Variants in LRRTM4 observed in about 807,000 individuals in gnomAD.
The protein encoded by LRRTM4 is leucine rich repeat transmembrane neuronal 4.
Under a neutral mutation model 47.6 loss-of-function variants are expected in LRRTM4, and 25 were observed. That is an observed-to-expected ratio of 0.53 (90% CI 0.38 to 0.73). The LOEUF is 0.73. Among genes scored for constraint, LRRTM4 ranks in the 30% least tolerant of loss-of-function variants. The pLI, the probability that LRRTM4 is intolerant of heterozygous loss-of-function variation, is 0.00. For synonymous variants in LRRTM4, 311 were observed against 269.5 expected (o/e 1.15, Z -1.51); for missense variants, 638 against 713.4 (o/e 0.89, Z 1.20).
chr2:76,821,444 A>G (rs1671050840), intron 3 of LRRTM4, among the ~76,000 whole-genome samples: 1 of 151,672 alleles, frequency 6.6e-6, no homozygotes, highest in African/African-American at 2.4e-5. Flanking sequence ...GTTCTAATAA[A>G]ATTACTATAT....
chr2:77,517,494 TG>T (rs1388303700), intron 3 of LRRTM4: 24 of 985,068 alleles, frequency 2.4e-5, no homozygotes, highest in Non-Finnish European at 2.5e-5. Context: ...TCCACAAAAT[TG>T]TGACCTGATT....
chr2:77,516,333 A>G (rs1229699466), intron 3 of LRRTM4, among the ~76,000 whole-genome samples: 1 of 151,794 alleles, frequency 6.6e-6, no homozygotes, highest in African/African-American at 2.4e-5. Flanking sequence ...TGTTTCTGTC[A>G]TGGTAATGCC....
chr2:77,367,425 T>G (rs571397730), intron 3 of LRRTM4, among the ~76,000 whole-genome samples: 4 of 151,986 alleles, frequency 2.6e-5, no homozygotes, highest in Admixed American at 1.3e-4. Context: ...ATTAACAACT[T>G]GTTTAGAATT....
chr2:77,412,740 C>T (rs1674491684), intron 3 of LRRTM4, among the ~76,000 whole-genome samples: 1 of 152,054 alleles, frequency 6.6e-6, no homozygotes, highest in Non-Finnish European at 1.5e-5. Context: ...CCACACTTTA[C>T]CAGCGAGTGA....
intron 3 of LRRTM4, among the ~76,000 whole-genome samples, chr2:77,080,777 C>T (rs1680503869): frequency 6.6e-6 from 1 of 152,190 alleles, no homozygotes; most frequent in South Asian, 2.1e-4. Flanking sequence ...TCTGGGCCAT[C>T]ATCATCTCTT....
intron 3 of LRRTM4, among the ~76,000 whole-genome samples, chr2:77,131,912 G>A (rs1363220413): frequency 1.3e-5 from 2 of 152,126 alleles, no homozygotes; most frequent in Admixed American, 6.5e-5. Context: ...TGGGGTACAT[G>A]TGATATTTTG....
chr2:77,409,327 A>T (rs1020834710), intron 3 of LRRTM4, among the ~76,000 whole-genome samples: 6 of 152,160 alleles, frequency 3.9e-5, no homozygotes, highest in Non-Finnish European at 7.4e-5. Flanking sequence ...AGAGGGTGGA[A>T]ATTCCAACAC....
At chr2:77,252,956 C>A (rs1007286969) in intron 3 of LRRTM4, among the ~76,000 whole-genome samples, 1 of 152,052 alleles carries the variant, frequency 6.6e-6, no homozygotes, top group Non-Finnish European at 1.5e-5. Flanking sequence ...TTGTTCCATC[C>A]CTGGCTTTTA....
chr2:76,956,258 A>G (rs1675671891), intron 3 of LRRTM4, among the ~76,000 whole-genome samples: 1 of 151,884 alleles, frequency 6.6e-6, no homozygotes, highest in Middle Eastern at 3.4e-3. Flanking sequence ...TTCTCTGACC[A>G]CAGTGGAAGG....
intron 3 of LRRTM4, among the ~76,000 whole-genome samples, chr2:77,070,236 TTA>T (rs147124669): frequency 0.038 from 5,766 of 152,068 alleles, 114 homozygotes; most frequent in South Asian, 0.081. Flanking sequence ...AGTCATTTTT[TTA>T]AAAAATAAAA....
At chr2:76,826,829 C>G (rs1671204075) in intron 3 of LRRTM4, among the ~76,000 whole-genome samples, 1 of 151,816 alleles carries the variant, frequency 6.6e-6, no homozygotes, top group African/African-American at 2.4e-5. Flanking sequence ...AAGCCCATCT[C>G]TGGAATAAAA....
chr2:77,144,498 A>G (rs1180434392), intron 3 of LRRTM4, among the ~76,000 whole-genome samples: 1 of 152,158 alleles, frequency 6.6e-6, no homozygotes, highest in Non-Finnish European at 1.5e-5. Context: ...AAACAGAAGC[A>G]GCTATGAATT....
In LRRTM4 at chr2:77,344,019, GA is replaced by G. The variant is rs201281679; in HGVS notation, c.1551+174298del. Among the ~76,000 whole-genome samples the G allele has an allele frequency of 4.5e-3, 687 of 151,692 alleles. 4 individuals carry two copies. The highest frequency in any genetic ancestry group is 0.016 in the African/African-American group (647 of 41,444). ...GGCTTTAAAGAGAATAAAAGATCTG[GA>G]AAAAAATAAATAGATCAATATTAAA... On this transcript the variant is annotated intron_variant, in intron 3 of 3. Transcript: ENST00000409884.
At chr2:77,169,564 C>T (rs1299626395) in intron 3 of LRRTM4, among the ~76,000 whole-genome samples, 2 of 143,954 alleles carry the variant, frequency 1.4e-5, no homozygotes, top group Non-Finnish European at 2.9e-5. Context: ...TAATGCTCCT[C>T]TCCTGAGACT....
intron 3 of LRRTM4, among the ~76,000 whole-genome samples, chr2:77,040,169 C>T (rs1678977459): frequency 6.6e-6 from 1 of 151,064 alleles, no homozygotes; most frequent in African/African-American, 2.4e-5. Context: ...TTGAGATTTT[C>T]CATGTTTTTC....
chr2:76,776,436 G>T (rs1206370276), intron 3 of LRRTM4, among the ~76,000 whole-genome samples: 2 of 152,038 alleles, frequency 1.3e-5, no homozygotes, highest in Admixed American at 6.6e-5. Context: ...CCTGACTTTT[G>T]AAAGATTGCC....
chr2:76,973,942 T>A (rs1292006133), intron 3 of LRRTM4, among the ~76,000 whole-genome samples: 7 of 151,664 alleles, frequency 4.6e-5, no homozygotes, highest in African/African-American at 7.2e-5. Context: ...GAAACATACA[T>A]TCAGAAACAA....
chr2:76,830,992 G>A (rs181349267), intron 3 of LRRTM4, among the ~76,000 whole-genome samples: 130 of 152,064 alleles, frequency 8.5e-4, no homozygotes, highest in African/African-American at 3.1e-3. Flanking sequence ...TAGCATAATT[G>A]GATTTGAATT....
At chr2:76,911,818 GTGTGTGTGCCTGTGTGTGTGTATATT>G (rs376060131) in intron 3 of LRRTM4, among the ~76,000 whole-genome samples, 168 of 151,704 alleles carry the variant, frequency 1.1e-3, no homozygotes, top group African/African-American at 3.6e-3. Flanking sequence ...ACAGTGATTT[GTGTGTGTGCCTGTGTGTGTGTATATT>G]TGTGTGTGTC....
Sources: gnomAD v4.1 joint callset for allele counts (sites outside exome capture counted in the v4.1 genomes callset) on GRCh38, gnomAD v4.1.1 for gene constraint, MANE v1.5 for transcripts, NCBI Gene and HGNC (gene_info 2026-07-23, HGNC 2026-07-21) for gene names.